Variants in RHOA observed in about 807,000 individuals in gnomAD.
RHOA encodes ras homolog family member A.
Under a neutral mutation model 17.5 loss-of-function variants are expected in RHOA, and 3 were observed. The observed-to-expected ratio is 0.17, with a 90% confidence interval of 0.08 to 0.44. The LOEUF (loss-of-function observed/expected upper bound fraction) is 0.44. RHOA is among the 20% of genes least tolerant of loss of function. RHOA has a pLI of 0.99. For missense variants in RHOA, 56 were observed against 242.3 expected (o/e 0.23, Z 5.10); for synonymous variants, 98 against 88.4 (o/e 1.11, Z -0.61).
intron 1 of RHOA, among the ~76,000 whole-genome samples, chr3:49,406,543 T>G (rs975276040): frequency 1.3e-5 from 2 of 151,942 alleles, no homozygotes; most frequent in Admixed American, 1.3e-4. Context: ...CTGAGGCGGG[T>G]GGATTGCCTG....
intron 1 of RHOA, among the ~76,000 whole-genome samples, chr3:49,402,874 A>G (rs995674207): frequency 5.9e-5 from 9 of 152,040 alleles, no homozygotes; most frequent in African/African-American, 1.9e-4. Context: ...CGTATCCACT[A>G]AAAACACAAA....
intron 3 of RHOA, among the ~76,000 whole-genome samples, chr3:49,363,587 C>T (rs1234718550): frequency 2.0e-5 from 3 of 151,938 alleles, no homozygotes; most frequent in Non-Finnish European, 4.4e-5. Flanking sequence ...CGTGGTGGCT[C>T]GTGCCTGTAA....
chr3:49,408,434 T>C (rs996240584), intron 1 of RHOA, among the ~76,000 whole-genome samples: 3 of 152,202 alleles, frequency 2.0e-5, no homozygotes, highest in Non-Finnish European at 4.4e-5. Context: ...TTATTAGCTA[T>C]AAAAATGTAT....
intron 2 of RHOA, among the ~76,000 whole-genome samples, chr3:49,372,709 G>A (rs1223950074): frequency 6.7e-6 from 1 of 148,744 alleles, no homozygotes; most frequent in African/African-American, 2.5e-5. Context: ...ACTCCAGCCT[G>A]GGCGACAGAG....
At chr3:49,377,352 G>C (rs1234983158) in intron 1 of RHOA, among the ~76,000 whole-genome samples, 3 of 152,102 alleles carry the variant, frequency 2.0e-5, no homozygotes, top group Non-Finnish European at 4.4e-5. Flanking sequence ...CAGCAATCTG[G>C]GAGGCCGAAA....
chr3:49,390,880 C>T (rs2048490413), intron 1 of RHOA, among the ~76,000 whole-genome samples: 1 of 151,696 alleles, frequency 6.6e-6, no homozygotes, highest in Admixed American at 6.6e-5. Context: ...GTCAGGAGTT[C>T]GAGACCAGCC....
At chr3:49,360,582 C>A (rs1440639138) in intron 4 of RHOA, among the ~76,000 whole-genome samples, 200 bp from the exon 5 acceptor site, 10 of 152,020 alleles carry the variant, frequency 6.6e-5, no homozygotes, top group South Asian at 6.2e-4. Context: ...ATTCTCCCGC[C>A]TCAGCCTCCC....
intron 1 of RHOA, among the ~76,000 whole-genome samples, chr3:49,379,285 C>T (rs1018055257): frequency 6.6e-6 from 1 of 152,014 alleles, no homozygotes; most frequent in Admixed American, 6.6e-5. Context: ...TCACAAAAAC[C>T]AACATGCATG....
chr3:49,401,117 T>G (rs909308098), intron 1 of RHOA, among the ~76,000 whole-genome samples: 2 of 151,052 alleles, frequency 1.3e-5, no homozygotes, highest in South Asian at 4.2e-4. Context: ...ATTACTAATA[T>G]TAGACACTAG....
intron 1 of RHOA, among the ~76,000 whole-genome samples, chr3:49,398,526 C>A (rs1406806418): frequency 6.6e-6 from 1 of 151,482 alleles, no homozygotes; most frequent in Non-Finnish European, 1.5e-5. Flanking sequence ...CCAGTGGGGG[C>A]TTAAAGAATT....
intron 1 of RHOA, among the ~76,000 whole-genome samples, chr3:49,381,946 G>A (rs2048324842): frequency 1.3e-5 from 2 of 152,078 alleles, no homozygotes; most frequent in African/African-American, 4.8e-5. Flanking sequence ...ATCTACTCAG[G>A]AGGCTGAGGT....
chr3:49,411,032 G>A (rs1559523924), intron 1 of RHOA, among the ~76,000 whole-genome samples: 1 of 152,218 alleles, frequency 6.6e-6, no homozygotes. Flanking sequence ...GATCCAATCA[G>A]TAACTAAGGT....
At chr3:49,400,237 G>GA (rs2048701123) in intron 1 of RHOA, among the ~76,000 whole-genome samples, 3 of 128,042 alleles carry the variant, frequency 2.3e-5, no homozygotes, top group Middle Eastern at 3.8e-3. Flanking sequence ...CAAAAAAAAC[G>GA]AAACTACAGA....
At chr3:49,367,868 G>C (rs2048085087) in intron 3 of RHOA, among the ~76,000 whole-genome samples, 1 of 151,822 alleles carries the variant, frequency 6.6e-6, no homozygotes, top group Non-Finnish European at 1.5e-5. Flanking sequence ...TTACAAGGCA[G>C]TTAGATTTTT....
chr3:49,371,598 T>A (rs1382748801), intron 2 of RHOA, among the ~76,000 whole-genome samples: 1 of 152,106 alleles, frequency 6.6e-6, no homozygotes, highest in Non-Finnish European at 1.5e-5. Context: ...TTGCATACTG[T>A]TAAATGAATA....
intron 1 of RHOA, among the ~76,000 whole-genome samples, chr3:49,388,784 A>G (rs2048445098): frequency 1.3e-5 from 2 of 152,282 alleles, no homozygotes; most frequent in Admixed American, 1.3e-4. Flanking sequence ...AATGACTAAT[A>G]TCTCACACTT....
At chr3:49,378,042 G>A (rs1315736365) in intron 1 of RHOA, among the ~76,000 whole-genome samples, 7 of 150,484 alleles carry the variant, frequency 4.7e-5, no homozygotes, top group Non-Finnish European at 5.9e-5. Context: ...CCAGTTACTC[G>A]GGAGACTGAG....
At chr3:49,371,946 C>T (rs900945016) in intron 2 of RHOA, among the ~76,000 whole-genome samples, 1 of 152,178 alleles carries the variant, frequency 6.6e-6, no homozygotes, top group African/African-American at 2.4e-5. Flanking sequence ...AAGACCCTTC[C>T]AGTTCATGCT....
chr3:49,365,724 G>A (rs2048044698), intron 3 of RHOA, among the ~76,000 whole-genome samples: 2 of 151,320 alleles, frequency 1.3e-5, no homozygotes, highest in South Asian at 4.2e-4. Context: ...CTGAGTAGCT[G>A]GGATTACAGG....
Sources: gnomAD v4.1 joint callset for allele counts (sites outside exome capture counted in the v4.1 genomes callset) on GRCh38, gnomAD v4.1.1 for gene constraint, MANE v1.5 for transcripts, NCBI Gene and HGNC (gene_info 2026-07-23, HGNC 2026-07-21) for gene names.